CCNH: variants seen among roughly 807,000 people sequenced by gnomAD.
The protein encoded by CCNH is cyclin-H.
Under a neutral mutation model 41.9 loss-of-function variants are expected in CCNH, and 31 were observed. The observed-to-expected ratio is 0.74, with a 90% confidence interval of 0.56 to 1.00. The LOEUF (loss-of-function observed/expected upper bound fraction) is 1.00. Among genes scored for constraint, CCNH ranks in the 50% least tolerant of loss-of-function variants. The pLI is 0.00. For missense variants in CCNH, 362 were observed against 388.4 expected (o/e 0.93, Z 0.57); for synonymous variants, 138 against 136.1 (o/e 1.01, Z -0.10).
chr5:87,366,693 T>C (rs1238050051), intron 9 of CCNH, among the ~76,000 whole-genome samples: 1 of 152,210 alleles, frequency 6.6e-6, no homozygotes. Flanking sequence ...ATGAAAAAGT[T>C]ATGTTCATGA....
chr5:87,364,332 A>G (rs1327148516), intron 9 of CCNH, among the ~76,000 whole-genome samples: 1 of 152,134 alleles, frequency 6.6e-6, no homozygotes, highest in African/African-American at 2.4e-5. Flanking sequence ...AGGAGATCAC[A>G]TTAGTGTTAC....
At position 87,394,464 on chromosome 5, in the gene CCNH, G is replaced by T; in HGVS notation, c.954C>A (p.Asp318Glu). Residue 318 changes from aspartate (D) to glutamate (E), a missense_variant, in exon 9 of 9, where the codon GAC (aspartate) becomes GAA (glutamate). Transcript: ENST00000256897. The stretch of plus-strand genomic sequence containing the variant: ...CAAATGGTTAGAGAGATTCTACCAG[G>T]TCGTCATCAGTCCATTCTTCCTAAG... ...KHEEEEWTDD[D>E]LVESL The T allele has an allele frequency of 1.2e-6, 2 of 1,613,218 alleles. No individual in the cohort carries two copies. The highest frequency in any genetic ancestry group is 1.7e-6 in the Non-Finnish European group (2 of 1,179,356).
At chr5:87,390,199 G>GAGTT (rs1055138165), downstream of CCNH, among the ~76,000 whole-genome samples, 1 of 152,220 alleles carries the variant, frequency 6.6e-6, no homozygotes. Flanking sequence ...AGAACAAAAT[G>GAGTT]AGTTACACTT....
At chr5:87,364,469 A>AGTATGAATTACTTCATAAATTC (rs1760354281) in intron 9 of CCNH, among the ~76,000 whole-genome samples, 1 of 152,190 alleles carries the variant, frequency 6.6e-6, no homozygotes, top group African/African-American at 2.4e-5. Flanking sequence ...TCTGTAAAAT[A>AGTATGAATTACTTCATAAATTC]GTATGAATTA....
chr5:87,366,496 G>T, intron 9 of CCNH: 1 of 215,114 alleles, frequency 4.6e-6, no homozygotes, highest in Non-Finnish European at 1.0e-5. Context: ...TCCTATTCTG[G>T]TTAGTAACAA....
intron 4 of CCNH, among the ~76,000 whole-genome samples, 158 bp downstream of exon 4, chr5:87,407,818 G>A (rs960937487): frequency 3.3e-5 from 5 of 152,168 alleles, no homozygotes; most frequent in African/African-American, 1.2e-4. Flanking sequence ...GATGCCCACT[G>A]AAGTTTGAAA....
downstream of CCNH, among the ~76,000 whole-genome samples, chr5:87,387,982 C>T (rs1762181267): frequency 6.6e-6 from 1 of 152,122 alleles, no homozygotes; most frequent in African/African-American, 2.4e-5. Context: ...TATTTCTTCA[C>T]CACCTGTATA....
At chr5:87,412,474 G>T in intron 1 of CCNH, 1 of 1,416,136 alleles carries the variant, frequency 7.1e-7, no homozygotes. Flanking sequence ...TTACTTGTCT[G>T]CCATTCGACG....
downstream of CCNH, chr5:87,391,575 T>G (rs1241052568): frequency 4.2e-6 from 1 of 235,602 alleles, no homozygotes; most frequent in Admixed American, 5.4e-5. Flanking sequence ...TCATAATGCT[T>G]TGTTAAATGT....
At chr5:87,382,079 A>G (rs1561327044), upstream of CCNH, among the ~76,000 whole-genome samples, 2 of 152,042 alleles carry the variant, frequency 1.3e-5, no homozygotes, top group Non-Finnish European at 2.9e-5. Context: ...TCATCCACCC[A>G]AGTAGCTGGA....
chr5:87,378,500 T>G (rs1252322867), upstream of CCNH: 2 of 1,611,636 alleles, frequency 1.2e-6, no homozygotes, highest in Admixed American at 1.7e-5. Context: ...TTTGAAAGAC[T>G]CTATTTTAAA....
chr5:87,341,173 A>G (rs950283098), intron 9 of CCNH: 12 of 536,190 alleles, frequency 2.2e-5, no homozygotes, highest in African/African-American at 1.8e-4. Flanking sequence ...CTTTTTTTAT[A>G]TAAACATAAA....
rs373744135 is a variant in CCNH at position 87,370,653 on chromosome 5, C to CT, written c.*90+22116dup. Among the ~76,000 whole-genome samples the CT allele has an allele frequency of 6.3e-3, 965 of 152,238 alleles. 5 individuals are homozygous for CT. Among genetic ancestry groups the CT allele is most frequent in the African/African-American group, 0.014 (580 of 41,556 alleles). The stretch of plus-strand genomic sequence containing the variant: ...CCAGCCTAGGCAACAAACTGAGACA[C>CT]TGTCTCTTAAAAAATTTTTTTGCTT... On this transcript the variant is annotated intron_variant and NMD_transcript_variant, in intron 9 of 9. Coordinates refer to the CCNH transcript ENST00000645953.
intron 9 of CCNH, among the ~76,000 whole-genome samples, chr5:87,351,190 AAGCAGAAGAGGCATTTAAT>A (rs971731278): frequency 6.6e-6 from 1 of 151,728 alleles, no homozygotes; most frequent in Non-Finnish European, 1.5e-5. Flanking sequence ...TAAAAAAAAA[AAGCAGAAGAGGCATTTAAT>A]AGCAAATTTA....
At chr5:87,393,357 A>ATAGTT (rs1762659712), downstream of CCNH, 1 of 152,066 alleles carries the variant, frequency 6.6e-6, no homozygotes, top group African/African-American at 2.4e-5. Context: ...TCCAATTATA[A>ATAGTT]TAGTTAACAC....
exon 1 of CCNH, chr5:87,376,662 C>T (rs949565989): frequency 7.0e-7 from 1 of 1,420,776 alleles, no homozygotes; most frequent in Non-Finnish European, 9.8e-7. Context: ...TAATTCATAG[C>T]TTAGTAGCAC....
At chr5:87,375,284 G>C (rs1761247217), downstream of CCNH, among the ~76,000 whole-genome samples, 1 of 151,658 alleles carries the variant, frequency 6.6e-6, no homozygotes, top group Non-Finnish European at 1.5e-5. Flanking sequence ...TTTTGAGATG[G>C]AGTCTTGCTC....
chr5:87,402,585 T>C (rs1017283897), intron 5 of CCNH, among the ~76,000 whole-genome samples: 1 of 152,178 alleles, frequency 6.6e-6, no homozygotes, highest in Non-Finnish European at 1.5e-5. Flanking sequence ...AAAGCAATGC[T>C]TTAAGAACTC....
At chr5:87,385,182 G>A (rs1475172674) in intron 9 of CCNH, 6 of 727,766 alleles carry the variant, frequency 8.2e-6, no homozygotes, top group East Asian at 2.7e-5. Flanking sequence ...TCTGAGTTCC[G>A]AATGGAAGAA....
Sources: gnomAD v4.1 joint callset for allele counts (sites outside exome capture counted in the v4.1 genomes callset) on GRCh38, gnomAD v4.1.1 for gene constraint, MANE v1.5 for transcripts, NCBI Gene and HGNC (gene_info 2026-07-23, HGNC 2026-07-21) for gene names.